Variants in PRKAG2 observed in about 807,000 individuals in gnomAD.
PRKAG2 encodes the protein protein kinase AMP-activated non-catalytic subunit gamma 2.
PRKAG2 carries 26 observed loss-of-function variants against 69.6 expected under a neutral mutation model. The observed-to-expected ratio is 0.37, with a 90% CI of 0.27 to 0.52. The LOEUF (loss-of-function observed/expected upper bound fraction) is 0.52. PRKAG2 is among the 20% of genes least tolerant of loss of function. The pLI is 0.90. For synonymous variants in PRKAG2, 293 were observed against 285.0 expected, an observed-to-expected ratio of 1.03 and a Z score of -0.28; for missense variants, 557 against 740.0, an observed-to-expected ratio of 0.75 and a Z score of 2.87.
At chr7:151,736,423 G>C (rs1723541000) in intron 3 of PRKAG2, 21 of 977,790 alleles carry the variant, frequency 2.1e-5, no homozygotes, top group Admixed American at 5.3e-5. Flanking sequence ...TTAAAAAAAG[G>C]AGGGAAGACC....
intron 3 of PRKAG2, among the ~76,000 whole-genome samples, chr7:151,702,286 T>C (rs1240817289): frequency 5.3e-5 from 8 of 152,214 alleles, no homozygotes; most frequent in Non-Finnish European, 1.2e-4. Context: ...ACATCCCTAG[T>C]GCCGGTCCCC....
chr7:151,675,294 C>G, intron 4 of PRKAG2, 126 bp downstream of exon 4: 1 of 915,428 alleles, frequency 1.1e-6, no homozygotes, highest in Admixed American at 2.0e-5. Flanking sequence ...GGTACAATAT[C>G]CTGAAGATGT....
intron 6 of PRKAG2, among the ~76,000 whole-genome samples, chr7:151,588,138 T>C (rs912380359): frequency 6.6e-6 from 1 of 152,142 alleles, no homozygotes. Flanking sequence ...GAGGATTCCA[T>C]TATGAAGTTT....
chr7:151,596,855 T>C (rs1253876224), intron 5 of PRKAG2, among the ~76,000 whole-genome samples: 1 of 152,164 alleles, frequency 6.6e-6, no homozygotes, highest in Non-Finnish European at 1.5e-5. Context: ...ATGACCACAC[T>C]ATCCACTGTG....
At chr7:151,793,796 C>A (rs2077370175) in intron 1 of PRKAG2, among the ~76,000 whole-genome samples, 1 of 152,220 alleles carries the variant, frequency 6.6e-6, no homozygotes, top group East Asian at 1.9e-4. Context: ...AGGAGGTGAC[C>A]AGAGCCAGGT....
intron 3 of PRKAG2, chr7:151,736,188 C>A: frequency 7.0e-7 from 1 of 1,419,548 alleles, no homozygotes; most frequent in Non-Finnish European, 9.2e-7. Flanking sequence ...TTCAGGGCGA[C>A]CTCACCGCAG....
At chr7:151,794,996 C>T (rs1180273876) in intron 1 of PRKAG2, among the ~76,000 whole-genome samples, 1 of 152,194 alleles carries the variant, frequency 6.6e-6, no homozygotes, top group African/African-American at 2.4e-5. Context: ...CCATCCTGAC[C>T]GTCCTGACCT....
At chr7:151,589,946 A>G (rs2151106395) in intron 6 of PRKAG2, among the ~76,000 whole-genome samples, 1 of 152,340 alleles carries the variant, frequency 6.6e-6, no homozygotes, top group Non-Finnish European at 1.5e-5. Context: ...AAAAAAAAGA[A>G]GAAGAAGAAG....
intron 15 of PRKAG2, chr7:151,559,838 G>A: frequency 1.0e-6 from 1 of 985,212 alleles, no homozygotes; most frequent in African/African-American, 1.7e-5. Flanking sequence ...GGAGGTGGAG[G>A]GATGGGAAGA....
chr7:151,707,299 T>A (rs994166977), intron 3 of PRKAG2, among the ~76,000 whole-genome samples: 7 of 152,240 alleles, frequency 4.6e-5, no homozygotes, highest in African/African-American at 1.7e-4. Flanking sequence ...GGGACCTCAA[T>A]AAGGCAAGTC....
rs56413160 is a variant in PRKAG2, at chr7:151,850,724, G to A, written c.114+25783C>T. Among the ~76,000 whole-genome samples, 4,504 of 152,346 alleles carry A rather than the reference G, an allele frequency of 0.03. 218 individuals are homozygous for A. The highest frequency in any genetic ancestry group is 0.1 in the African/African-American group (4,211 of 41,556). ...GCCCCACCGGCTTCTGCCAGAGGGAGGAGTCAGAGGTGAGAGTCTGGTGCT... is the reference window on the plus strand; with the variant it reads ...GCCCCACCGGCTTCTGCCAGAGGGAAGAGTCAGAGGTGAGAGTCTGGTGCT... On this transcript the variant is annotated intron_variant, in intron 1 of 15. Coordinates refer to ENST00000287878, the MANE Select transcript of PRKAG2 (RefSeq NM_016203.4). This position sits in a 1 kb window ranked among gnomAD's most constrained non-coding sequence, Gnocchi z 4.1.
intron 15 of PRKAG2, chr7:151,557,433 T>C (rs1038898495): frequency 1.3e-5 from 13 of 985,192 alleles, no homozygotes; most frequent in Non-Finnish European, 1.4e-5. Flanking sequence ...ACGTAACATC[T>C]TGTCATTCTA....
In PRKAG2 at chr7:151,856,362, G is replaced by A. The variant is rs574359428; in HGVS notation, c.114+20145C>T. Among the ~76,000 whole-genome samples the A allele has an allele frequency of 6.6e-5, 10 of 152,358 alleles. No individual in the cohort carries two copies. The East Asian group carries it at 1.5e-3, about 24-fold the overall frequency. On this transcript the variant is annotated intron_variant, in intron 1 of 15. Transcript: ENST00000287878. ...CCGAGGACGCAAGCACAGGTGCCACGAGCACGCTGGAGTGGCCCCGAGGCG... is the reference window on the plus strand; with the variant it reads ...CCGAGGACGCAAGCACAGGTGCCACAAGCACGCTGGAGTGGCCCCGAGGCG...
chr7:151,876,296 A>G (rs1487456802), intron 1 of PRKAG2, among the ~76,000 whole-genome samples: 1 of 151,696 alleles, frequency 6.6e-6, no homozygotes, highest in Non-Finnish European at 1.5e-5. Context: ...GCGGAGCCCC[A>G]GCCCTGGCTG....
Position 151,704,972 on chromosome 7 carries a change from G to A in PRKAG2, c.467-29335C>T, listed in dbSNP as rs563261118. Among the ~76,000 whole-genome samples the A allele has an allele frequency of 3.1e-4, 47 of 152,322 alleles. No individual in the cohort carries two copies. In the South Asian group the frequency reaches 8.9e-3, roughly 29 times the overall value. On this transcript the variant is annotated intron_variant, in intron 3 of 15. Coordinates refer to ENST00000287878, the MANE Select transcript of PRKAG2 (RefSeq NM_016203.4). ...TCCTGCCCCTGCTAGCCTCAGCAAC[G>A]GGAATAAAACAGCCATGAACGAAAT... is the stretch of plus-strand genomic sequence containing the variant.
rs2151325496 is a variant in PRKAG2 at position 151,632,131 on chromosome 7, A to G, written c.692T>C (p.Leu231Pro). ...THYAPSKAAA[L>P]AAALGPAEAG... ...TTCCGCGGGTCCCAGGGCCGCCGCC[A>G]GCGCCGCCTGAGGGGGAGGAGGAGG... Residue 231 changes from leucine to proline, a missense_variant, in exon 5 of 16, where the codon CTG (leucine) becomes CCG (proline). This residue lies in a region of PRKAG2 where 352 missense variants were observed against 356.7 expected (regional missense o/e 0.99). Coordinates refer to ENST00000287878, the MANE Select transcript of PRKAG2 (RefSeq NM_016203.4). The surrounding 1 kb of genome is among the most constrained non-coding windows in gnomAD (Gnocchi z 4.2). 1 of 1,404,544 alleles carries G rather than the reference A, an allele frequency of 7.1e-7. No homozygotes were observed. Among genetic ancestry groups the G allele is most frequent in the Non-Finnish European group, 9.4e-7 (1 of 1,065,550 alleles). The allele number at this position is 1,404,544 out of a possible 1,614,324, so 87.0% of individuals were successfully genotyped here. A position where few individuals can be genotyped will look rare whatever the true frequency, so the allele number is the denominator to read the frequency against.
At chr7:151,648,284 T>C (rs748162862) in intron 4 of PRKAG2, among the ~76,000 whole-genome samples, 2 of 152,192 alleles carry the variant, frequency 1.3e-5, no homozygotes, top group Non-Finnish European at 2.9e-5. Flanking sequence ...TAGGCAACAA[T>C]TCCATGAAAT....
In PRKAG2 at chr7:151,565,337, A is replaced by G. The variant is rs1291834137; in HGVS notation, c.1437+9T>C. On this transcript the variant is annotated intron_variant, in intron 13 of 15. Coordinates refer to ENST00000287878, the MANE Select transcript of PRKAG2 (RefSeq NM_016203.4). ...TAGGTGACAGATTGAACAAAATTAA[A>G]ATACTTACAATTACATCAAATTTGG... 1 of 1,382,168 alleles carries G rather than the reference A, an allele frequency of 7.2e-7. No homozygotes were observed. The highest frequency in any genetic ancestry group is 1.0e-6 in the Non-Finnish European group (1 of 992,268). The allele number at this position is 1,382,168 out of a possible 1,614,324, so 85.6% of individuals were successfully genotyped here. A position where few individuals can be genotyped will look rare whatever the true frequency, so the allele number is the denominator to read the frequency against.
Position 151,825,045 on chromosome 7 carries a change from C to G in PRKAG2, c.115-38504G>C, listed in dbSNP as rs571083889. ...TGGCCAACATGGTGAAACCCCGTCT[C>G]TACTAAAAATACAAAAAAATTAGCT... On this transcript the variant is annotated intron_variant, in intron 1 of 15. Transcript: ENST00000287878. 1.7e-4 allele frequency among the ~76,000 whole-genome samples: 12 copies of G among 72,232 alleles called. No individual in the cohort carries two copies. In the South Asian group the frequency reaches 8.9e-3, roughly 54 times the overall value. The allele number at this position is 72,232 out of a possible 152,430, so 47.4% of individuals were successfully genotyped here. A position where few individuals can be genotyped will look rare whatever the true frequency, so the allele number is the denominator to read the frequency against.
Sources: allele counts gnomAD v4.1 joint callset (sites outside exome capture counted in the v4.1 genomes callset), GRCh38; gene constraint gnomAD v4.1.1; regional missense constraint gnomAD v4.1.1; non-coding constraint Gnocchi (gnomAD v3.1); transcripts MANE v1.5; gene names NCBI Gene and HGNC (gene_info 2026-07-23, HGNC 2026-07-21).